The following GLCE variants were observed in gnomAD, a reference collection of about 807,000 sequenced individuals.
The protein encoded by GLCE is D-glucuronyl C5-epimerase.
GLCE carries 19 observed loss-of-function variants against 47.9 expected under a neutral mutation model. The observed-to-expected ratio is 0.40, with a 90% CI of 0.28 to 0.58. GLCE has a LOEUF of 0.58. GLCE is among the 20% of genes least tolerant of loss of function. The pLI is 0.48. For missense variants in GLCE, 556 were observed against 743.3 expected, an observed-to-expected ratio of 0.75 and a Z score of 2.93; for synonymous variants, 245 against 263.4, an observed-to-expected ratio of 0.93 and a Z score of 0.68.
intron 2 of GLCE, among the ~76,000 whole-genome samples, chr15:69,224,508 G>A (rs1343585397): frequency 1.3e-5 from 2 of 152,188 alleles, no homozygotes; most frequent in Non-Finnish European, 1.5e-5. Context: ...TTTCAGGGGA[G>A]CAGGGGGGCT....
At position 69,269,179 on chromosome 15, in the gene GLCE, G is replaced by A. The variant is rs3865014; in HGVS notation, c.1789G>A (p.Val597Ile). Reference protein sequence around the residue: ...QLLSTIDESPVFKEFVKRWKS... With the variant: ...QLLSTIDESPIFKEFVKRWKS... ...ACTCAGTACCATTGATGAGTCCCCA[G>A]TCTTCAAAGAATTTGTCAAGAGGTG... Residue 597 changes from valine to isoleucine, a missense_variant, in exon 5 of 5, where the codon GTC becomes ATC. Coordinates refer to ENST00000261858, the MANE Select transcript of GLCE (RefSeq NM_015554.3). 1,214,546 of 1,613,214 alleles carry A rather than the reference G, an allele frequency of 0.75. 461,260 individuals carry two copies. Among genetic ancestry groups the A allele is most frequent in the Admixed American group, 0.8 (48,123 of 60,000 alleles).
chr15:69,249,690 G>A (rs2052810111), intron 2 of GLCE, among the ~76,000 whole-genome samples: 1 of 152,150 alleles, frequency 6.6e-6, no homozygotes, highest in African/African-American at 2.4e-5. Context: ...TTGAAAGGTT[G>A]TTCTTTACTG....
intron 2 of GLCE, among the ~76,000 whole-genome samples, chr15:69,226,779 T>C (rs2052454408): frequency 7.5e-6 from 1 of 132,870 alleles, no homozygotes; most frequent in African/African-American, 2.8e-5. Flanking sequence ...AATCTTGCTC[T>C]TGTCACCCAG....
chr15:69,196,751 A>G (rs2051999906), intron 1 of GLCE: 1 of 161,350 alleles, frequency 6.2e-6, no homozygotes, highest in South Asian at 1.6e-4. Context: ...AGAAGGTTGT[A>G]AAAGCTCGAT....
Position 69,201,022 on chromosome 15 carries a change from T to A in GLCE, c.-104-9294T>A, listed in dbSNP as rs576382753. Reference sequence around the variant, plus strand: ...CCTGGCATGTGGCCCTCCTTCATCTTCAAAGCCAGTAACAAAGGTCAAGTC... The same window carrying A: ...CCTGGCATGTGGCCCTCCTTCATCTACAAAGCCAGTAACAAAGGTCAAGTC... On this transcript the variant is annotated intron_variant, in intron 1 of 4. Transcript: ENST00000261858. Among the ~76,000 whole-genome samples, 13 of 152,224 alleles carry A rather than the reference T, an allele frequency of 8.5e-5. No individual in the cohort carries two copies. In the South Asian group the frequency reaches 1.2e-3, roughly 15 times the overall value.
chr15:69,198,226 C>T (rs1281365828), intron 1 of GLCE, among the ~76,000 whole-genome samples: 2 of 152,070 alleles, frequency 1.3e-5, no homozygotes, highest in African/African-American at 4.8e-5. Flanking sequence ...ACTGGATTGT[C>T]GATACCTTGA....
At chr15:69,261,793 T>G (rs144406353) in intron 4 of GLCE, among the ~76,000 whole-genome samples, 5 of 152,362 alleles carry the variant, frequency 3.3e-5, no homozygotes, top group East Asian at 1.9e-4. Flanking sequence ...TTTCCCATAT[T>G]GGATTTTGTT....
chr15:69,182,562 G>C (rs1299499215), intron 1 of GLCE, among the ~76,000 whole-genome samples: 1 of 152,114 alleles, frequency 6.6e-6, no homozygotes, highest in African/African-American at 2.4e-5. Flanking sequence ...GATTGAATAT[G>C]GATTTAATTT....
intron 1 of GLCE, among the ~76,000 whole-genome samples, chr15:69,167,139 C>T (rs2051515536): frequency 1.3e-5 from 2 of 152,088 alleles, no homozygotes; most frequent in South Asian, 2.1e-4. Flanking sequence ...TTGCTTGAAC[C>T]CGGGACGCAG....
intron 3 of GLCE, among the ~76,000 whole-genome samples, chr15:69,259,199 C>T (rs2052978126): frequency 6.6e-6 from 1 of 151,944 alleles, no homozygotes; most frequent in African/African-American, 2.4e-5. Context: ...ACCCCTTTTT[C>T]GAATGTGATA....
intron 1 of GLCE, among the ~76,000 whole-genome samples, chr15:69,207,788 A>G (rs940511373): frequency 1.3e-5 from 2 of 152,060 alleles, no homozygotes; most frequent in Non-Finnish European, 2.9e-5. Context: ...GTGTCATATG[A>G]TAAATGTATA....
At chr15:69,170,921 C>G (rs906197832) in intron 1 of GLCE, among the ~76,000 whole-genome samples, 1 of 152,124 alleles carries the variant, frequency 6.6e-6, no homozygotes, top group Non-Finnish European at 1.5e-5. Flanking sequence ...GAAAGAAGCT[C>G]TTTAAATGTA....
At chr15:69,195,419 T>C (rs939794854) in intron 1 of GLCE, among the ~76,000 whole-genome samples, 1 of 152,054 alleles carries the variant, frequency 6.6e-6, no homozygotes, top group African/African-American at 2.4e-5. Context: ...TATGAAAGAA[T>C]TGATAAAATC....
At chr15:69,176,211 AC>A (rs2140334798) in intron 1 of GLCE, among the ~76,000 whole-genome samples, 1 of 93,620 alleles carries the variant, frequency 1.1e-5, no homozygotes, top group Non-Finnish European at 2.4e-5. Flanking sequence ...TTTCAGTGGA[AC>A]CTTGTTTTTT....
chr15:69,261,407 G>C, intron 4 of GLCE, 78 bp downstream of exon 4: 2 of 1,397,902 alleles, frequency 1.4e-6, no homozygotes, highest in Non-Finnish European at 2.0e-6. Flanking sequence ...ATTTTAATAT[G>C]GTTTAAAAAA....
chr15:69,169,022 G>GA (rs1269104963), intron 1 of GLCE, among the ~76,000 whole-genome samples: 1 of 152,074 alleles, frequency 6.6e-6, no homozygotes, highest in Non-Finnish European at 1.5e-5. Context: ...ATTGCTTAAC[G>GA]AAAGTTACCA....
intron 4 of GLCE, 61 bp downstream of exon 4, chr15:69,261,390 C>T: frequency 5.3e-6 from 8 of 1,505,178 alleles, no homozygotes; most frequent in Non-Finnish European, 7.2e-6. Context: ...CCTGATAGTC[C>T]CTTAAAATTT....
intron 2 of GLCE, among the ~76,000 whole-genome samples, chr15:69,237,167 G>C (rs2052604028): frequency 1.3e-5 from 2 of 152,096 alleles, no homozygotes; most frequent in African/African-American, 4.8e-5. Context: ...TATTCTACCA[G>C]ATTATCCTTA....
At chr15:69,254,433 G>A (rs961087645) in intron 2 of GLCE, among the ~76,000 whole-genome samples, 1 of 152,148 alleles carries the variant, frequency 6.6e-6, no homozygotes, top group African/African-American at 2.4e-5. Flanking sequence ...GCATCATTCT[G>A]ACTGCTGTGT....
Sources: allele counts gnomAD v4.1 joint callset (sites outside exome capture counted in the v4.1 genomes callset), GRCh38; gene constraint gnomAD v4.1.1; transcripts MANE v1.5; gene names NCBI Gene and HGNC (gene_info 2026-07-23, HGNC 2026-07-21).